Variants in NDNF observed in about 807,000 individuals in gnomAD.
NDNF encodes the protein protein NDNF.
Under a neutral mutation model 42.0 loss-of-function variants are expected in NDNF, and 16 were observed. That is an observed-to-expected ratio of 0.38 (90% CI 0.26 to 0.58). The LOEUF (loss-of-function observed/expected upper bound fraction) is 0.58. Among genes scored for constraint, NDNF ranks in the 20% least tolerant of loss-of-function variants. The probability of loss-of-function intolerance (pLI) is 0.67; values close to 1 mark genes in which losing one functional copy is unlikely to be tolerated. For missense variants in NDNF, 616 were observed against 666.2 expected, an observed-to-expected ratio of 0.92 and a Z score of 0.83; for synonymous variants, 248 against 251.7, an observed-to-expected ratio of 0.99 and a Z score of 0.14.
intron 1 of NDNF, chr4:121,061,040 C>T (rs904726064): frequency 1.3e-5 from 2 of 151,924 alleles, no homozygotes; most frequent in African/African-American, 4.8e-5. Context: ...ATATTATTTC[C>T]AGAAAAAAGG....
intron 1 of NDNF, among the ~76,000 whole-genome samples, chr4:121,059,671 A>C (rs953403755): frequency 1.3e-5 from 2 of 152,192 alleles, no homozygotes; most frequent in South Asian, 2.1e-4. Context: ...GAAATCATGT[A>C]AATTTTGGTT....
In NDNF at chr4:121,036,411, A is replaced by C; in HGVS notation, c.1560T>G (p.Ser520Arg). 1 of 1,614,108 alleles carries C rather than the reference A, an allele frequency of 6.2e-7. No individual in the cohort carries two copies. The highest frequency in any genetic ancestry group is 8.5e-7 in the Non-Finnish European group (1 of 1,180,014). ...TGGTCACTGCTTTCTGCAGGTTTTGACTGTGGAAATATTTACAGAGGACCT... is the reference window on the plus strand; with the variant it reads ...TGGTCACTGCTTTCTGCAGGTTTTGCCTGTGGAAATATTTACAGAGGACCT... ...SEKVLCKYFH[S>R]QNLQKAVTTE... is the part of the protein sequence containing the mutation. The change falls in exon 4 of 4, where the codon AGT becomes AGG. Residue 520 changes from serine (S) to arginine (R), a missense_variant. Ser to Arg is a moderately radical substitution (Grantham distance 110). Coordinates refer to ENST00000379692, the MANE Select transcript of NDNF (RefSeq NM_024574.4).
At chr4:121,058,069 T>C (rs909653405) in intron 1 of NDNF, among the ~76,000 whole-genome samples, 1 of 152,232 alleles carries the variant, frequency 6.6e-6, no homozygotes, top group Non-Finnish European at 1.5e-5. Context: ...TCATGGGGCT[T>C]ATATAACACA....
chr4:121,070,512 A>T (rs1360181759), intron 1 of NDNF, among the ~76,000 whole-genome samples: 3 of 151,870 alleles, frequency 2.0e-5, no homozygotes, highest in Admixed American at 2.0e-4. Flanking sequence ...GGAGAGGAGG[A>T]GGTGCGGAGA....
rs1433565750 is a variant in NDNF at position 121,036,501 on chromosome 4, A to C, written c.1470T>G (p.Asn490Lys). 6.2e-7 allele frequency: 1 copy of C among 1,614,040 alleles called. No homozygotes were observed. Among genetic ancestry groups the C allele is most frequent in the Admixed American group, 1.7e-5 (1 of 59,992 alleles). Residue 490 changes from asparagine (N) to lysine (K), a missense_variant, in exon 4 of 4, where the codon AAT becomes AAG. Coordinates refer to ENST00000379692, the MANE Select transcript of NDNF (RefSeq NM_024574.4). ...IYKKEVDDNY[N>K]EDQKKREQNQ... ...TTTGCTCTCTTTTCTTCTGGTCTTC[A>C]TTGTAGTTATCATCCACTTCTTTTT...
At chr4:121,054,625 G>C (rs142041353) in intron 1 of NDNF, among the ~76,000 whole-genome samples, 243 of 152,308 alleles carry the variant, frequency 1.6e-3, no homozygotes, top group Middle Eastern at 3.4e-3. Flanking sequence ...GCAAATAAAT[G>C]TCAGGAGAAA....
intron 1 of NDNF, among the ~76,000 whole-genome samples, chr4:121,055,162 C>CT (rs1727269146): frequency 1.3e-5 from 2 of 152,076 alleles, no homozygotes; most frequent in African/African-American, 4.8e-5. Flanking sequence ...GTGATCCAAG[C>CT]TTTTTTAGGA....
chr4:121,065,245 A>G (rs192473981), intron 1 of NDNF, among the ~76,000 whole-genome samples: 5 of 152,126 alleles, frequency 3.3e-5, no homozygotes, highest in Admixed American at 1.3e-4. Flanking sequence ...ACAAAACTTG[A>G]TTTCATTCTT....
chr4:121,057,312 G>A (rs1021831038), intron 1 of NDNF, among the ~76,000 whole-genome samples: 11 of 152,192 alleles, frequency 7.2e-5, no homozygotes, highest in Non-Finnish European at 4.4e-5. Flanking sequence ...AGAGTCATGG[G>A]ATTTTGGAAC....
At chr4:121,070,191 G>A (rs1727565762) in intron 1 of NDNF, among the ~76,000 whole-genome samples, 1 of 150,554 alleles carries the variant, frequency 6.6e-6, no homozygotes, top group African/African-American at 2.4e-5. Flanking sequence ...CAGTCTGAGC[G>A]AAGGTTGCGG....
At chr4:121,048,127 C>T (rs937058639) in intron 1 of NDNF, among the ~76,000 whole-genome samples, 15 of 152,196 alleles carry the variant, frequency 9.9e-5, no homozygotes, top group Admixed American at 9.8e-4. Context: ...ATACCATAGA[C>T]ATGCCACATG....
At chr4:121,056,608 A>T (rs1439143038) in intron 1 of NDNF, among the ~76,000 whole-genome samples, 1 of 152,216 alleles carries the variant, frequency 6.6e-6, no homozygotes, top group Non-Finnish European at 1.5e-5. Context: ...CAATCATTTC[A>T]TTCAGGCACG....
chr4:121,053,310 T>C (rs560344864), intron 1 of NDNF, among the ~76,000 whole-genome samples: 109 of 152,334 alleles, frequency 7.2e-4, no homozygotes, highest in African/African-American at 2.5e-3. Flanking sequence ...TTCCATTCTG[T>C]CATGCGCTCC....
rs777682795 is a variant in NDNF at position 121,036,721 on chromosome 4, T to C, written c.1250A>G (p.Tyr417Cys). ...FQLRGKPKAKYLVRLKGNKKG... is the reference protein window; with the variant it reads ...FQLRGKPKAKCLVRLKGNKKG... ...CTTGTTTCCTTTCAGTCGAACGAGG[T>C]ATTTAGCTTTAGGTTTTCCTCTAAG... Residue 417 changes from tyrosine to cysteine, a missense_variant, in exon 4 of 4, where the codon TAC becomes TGC. Coordinates refer to ENST00000379692, the MANE Select transcript of NDNF (RefSeq NM_024574.4). 3.1e-6 allele frequency: 5 copies of C among 1,614,008 alleles called. No individual in the cohort carries two copies. In the African/African-American group the frequency reaches 6.7e-5, roughly 22 times the overall value.
intron 1 of NDNF, among the ~76,000 whole-genome samples, chr4:121,048,512 G>C (rs1411158212): frequency 2.0e-5 from 3 of 152,146 alleles, no homozygotes; most frequent in African/African-American, 7.2e-5. Flanking sequence ...AACTGCCCTA[G>C]GAAAGAACTC....
chr4:121,069,018 A>G (rs1257145553), intron 1 of NDNF, among the ~76,000 whole-genome samples: 1 of 152,240 alleles, frequency 6.6e-6, no homozygotes, highest in Non-Finnish European at 1.5e-5. Flanking sequence ...GAGAAGAGAT[A>G]CACTTTATTT....
intron 2 of NDNF, among the ~76,000 whole-genome samples, chr4:121,042,568 T>C (rs1012225696): frequency 6.6e-6 from 1 of 152,234 alleles, no homozygotes; most frequent in African/African-American, 2.4e-5. Flanking sequence ...TCCTGAACAG[T>C]GTCAGAAGGC....
chr4:121,061,513 C>A (rs1160326952), intron 1 of NDNF: 4 of 152,172 alleles, frequency 2.6e-5, no homozygotes, highest in Non-Finnish European at 5.9e-5. Flanking sequence ...ATAAACATAT[C>A]ATTTCCTTTT....
chr4:121,068,841 T>G (rs1175168269), intron 1 of NDNF, among the ~76,000 whole-genome samples: 1 of 152,226 alleles, frequency 6.6e-6, no homozygotes, highest in African/African-American at 2.4e-5. Context: ...TCTGTTCCTA[T>G]GCTCTCGGTT....
Sources: allele counts gnomAD v4.1 joint callset (sites outside exome capture counted in the v4.1 genomes callset), GRCh38; gene constraint gnomAD v4.1.1; transcripts MANE v1.5; gene names NCBI Gene and HGNC (gene_info 2026-07-23, HGNC 2026-07-21).